The following MITF variants were observed in gnomAD, a reference collection of about 807,000 sequenced individuals.
MITF encodes the protein melanocyte inducing transcription factor.
In MITF, 17 loss-of-function variants were observed where a neutral mutation model predicts 60.5. The observed-to-expected ratio is 0.28, with a 90% CI of 0.19 to 0.42. The LOEUF (loss-of-function observed/expected upper bound fraction) is 0.42, where lower values mean the gene tolerates loss of function less well. Among genes scored for constraint, MITF ranks in the 10% least tolerant of loss-of-function variants. The probability of loss-of-function intolerance (pLI) is 1.00; values close to 1 mark genes in which losing one functional copy is unlikely to be tolerated. For missense variants in MITF, 622 were observed against 683.5 expected, an observed-to-expected ratio of 0.91 and a Z score of 1.00; for synonymous variants, 260 against 248.5, an observed-to-expected ratio of 1.05 and a Z score of -0.43.
chr3:69,926,210 A>G (rs1283932440), intron 2 of MITF, among the ~76,000 whole-genome samples: 5 of 152,196 alleles, frequency 3.3e-5, no homozygotes, highest in African/African-American at 1.2e-4. Context: ...AACATAATCT[A>G]TAAGGCAAGT....
chr3:69,964,873 T>C lies in MITF; in HGVS notation c.1206T>C (p.His402=). ...AACTTGAAATGCAGGCTCGAGCTCA[T>C]GGACTTTCCCTTATTCCATCCACGG... ...IQELEMQARA[H]GLSLIPSTGL... Residue 402 remains histidine (H), a synonymous_variant, in exon 10 of 10, where the codon CAT becomes CAC. Transcript: ENST00000352241. The C allele has an allele frequency of 6.2e-7, 1 of 1,614,178 alleles. No homozygotes were observed. The highest frequency in any genetic ancestry group is 1.6e-4 in the Middle Eastern group (1 of 6,062).
At chr3:69,942,073 T>C (rs1286365741) in intron 5 of MITF, among the ~76,000 whole-genome samples, 2 of 152,138 alleles carry the variant, frequency 1.3e-5, no homozygotes, top group Non-Finnish European at 2.9e-5. Flanking sequence ...TGGTAGGTCT[T>C]TGAATGCCTT....
chr3:69,879,107 G>A (rs2064421297), intron 1 of MITF, 27 bp from the exon 2 acceptor site: 2 of 1,597,998 alleles, frequency 1.3e-6, no homozygotes, highest in East Asian at 4.5e-5. Context: ...GAAACTAAAT[G>A]TTGTATGCAT....
intron 9 of MITF, among the ~76,000 whole-genome samples, chr3:69,962,928 G>T (rs1054819170): frequency 1.3e-5 from 2 of 152,170 alleles, no homozygotes; most frequent in African/African-American, 4.8e-5. Flanking sequence ...CAAGTTGTCA[G>T]CAGGGTTGGT....
intron 1 of MITF, among the ~76,000 whole-genome samples, chr3:69,863,100 T>TAA (rs1448637560): frequency 5.4e-4 from 82 of 152,274 alleles, no homozygotes; most frequent in Middle Eastern, 3.4e-3. Flanking sequence ...CATATTACGT[T>TAA]GATTCATTTT....
At chr3:69,893,911 T>C (rs1575902032) in intron 2 of MITF, among the ~76,000 whole-genome samples, 2 of 152,206 alleles carry the variant, frequency 1.3e-5, no homozygotes, top group African/African-American at 2.4e-5. Flanking sequence ...TTTTTAATGA[T>C]TGACAGCCAA....
At chr3:69,962,957 C>G (rs897130006) in intron 9 of MITF, among the ~76,000 whole-genome samples, 1 of 152,172 alleles carries the variant, frequency 6.6e-6, no homozygotes, top group African/African-American at 2.4e-5. Flanking sequence ...AGGCCTCTCT[C>G]CTTGGCTTGT....
At chr3:69,755,462 TTTTTTTTTTG>T in intron 1 of MITF, among the ~76,000 whole-genome samples, 5 of 99,024 alleles carry the variant, frequency 5.0e-5, no homozygotes, top group Non-Finnish European at 7.2e-5. Context: ...TTTTTTTTTT[TTTTTTTTTTG>T]GGAATAGCAG....
chr3:69,789,729 A>C (rs1052398255), intron 1 of MITF, among the ~76,000 whole-genome samples: 1 of 152,100 alleles, frequency 6.6e-6, no homozygotes, highest in African/African-American at 2.4e-5. Flanking sequence ...GGTGGCACAC[A>C]CCTGTAGTCC....
intron 1 of MITF, among the ~76,000 whole-genome samples, chr3:69,818,675 G>C (rs991574776): frequency 2.6e-5 from 4 of 152,062 alleles, no homozygotes; most frequent in African/African-American, 9.7e-5. Context: ...ATTAAGTACA[G>C]TTTGGGCTTC....
intron 1 of MITF, among the ~76,000 whole-genome samples, chr3:69,743,792 T>C (rs1240954938): frequency 1.3e-5 from 2 of 152,176 alleles, no homozygotes; most frequent in Non-Finnish European, 2.9e-5. Context: ...AATGTGAAAC[T>C]GTTGAATGAG....
chr3:69,843,959 G>A (rs2063685012), intron 1 of MITF, among the ~76,000 whole-genome samples: 1 of 152,072 alleles, frequency 6.6e-6, no homozygotes, highest in South Asian at 2.1e-4. Context: ...TGTTCTCATT[G>A]TTCAACTCCC....
intron 2 of MITF, among the ~76,000 whole-genome samples, chr3:69,932,428 A>G (rs1169793186): frequency 6.6e-6 from 1 of 152,190 alleles, no homozygotes; most frequent in Non-Finnish European, 1.5e-5. Context: ...TTCTTACTTT[A>G]TAGACCATAC....
chr3:69,867,309 T>C (rs1283368689), intron 1 of MITF, among the ~76,000 whole-genome samples: 2 of 152,202 alleles, frequency 1.3e-5, no homozygotes, highest in Non-Finnish European at 2.9e-5. Flanking sequence ...AGCAGATCTA[T>C]TTTTAGAATT....
chr3:69,888,070 TTAAGAGGCCCAA>T (rs2064666580), intron 2 of MITF, among the ~76,000 whole-genome samples: 2 of 152,082 alleles, frequency 1.3e-5, no homozygotes, highest in Admixed American at 1.3e-4. Context: ...TTAAAAGTAG[TTAAGAGGCCCAA>T]AATGAAAAGC....
intron 1 of MITF, among the ~76,000 whole-genome samples, chr3:69,805,304 A>G (rs1462113980): frequency 1.3e-5 from 2 of 152,202 alleles, no homozygotes; most frequent in Non-Finnish European, 2.9e-5. Flanking sequence ...AATTTTATCT[A>G]AAATTTTAAT....
chr3:69,939,057 C>A, intron 3 of MITF, 41 bp from the exon 4 acceptor site: 1 of 1,607,154 alleles, frequency 6.2e-7, no homozygotes, highest in Non-Finnish European at 8.5e-7. Flanking sequence ...AAGTCATTTG[C>A]AAATCCAAGT....
chr3:69,749,415 C>T lies in MITF; in HGVS notation c.104+9714C>T, dbSNP rs145204659. Among the ~76,000 whole-genome samples the T allele has an allele frequency of 4.6e-3, 703 of 152,290 alleles. 4 individuals are homozygous for T. The highest frequency in any genetic ancestry group is 0.016 in the African/African-American group (682 of 41,546). On this transcript the variant is annotated intron_variant, in intron 1 of 9. Coordinates refer to ENST00000352241, the MANE Select transcript of MITF (RefSeq NM_001354604.2). ...AGTTTTGCTCTGCTGTATTGGTGAG[C>T]CTGCATAGTTGCACCATCTAAATTT...
chr3:69,885,728 A>G (rs2064599225), intron 2 of MITF, among the ~76,000 whole-genome samples: 2 of 152,092 alleles, frequency 1.3e-5, no homozygotes, highest in Admixed American at 6.5e-5. Context: ...TTTTATTGGG[A>G]TACTAATGAA....
Sources: gnomAD v4.1 joint callset for allele counts (sites outside exome capture counted in the v4.1 genomes callset) on GRCh38, gnomAD v4.1.1 for gene constraint, MANE v1.5 for transcripts, NCBI Gene and HGNC (gene_info 2026-07-23, HGNC 2026-07-21) for gene names.